Variants in IL16 observed in about 807,000 individuals in gnomAD.
IL16 encodes the protein pro-interleukin-16.
A neutral mutation model predicts 110.1 loss-of-function variants in IL16; 67 were observed. The ratio of observed to expected loss-of-function variants is 0.61; its 90% CI spans 0.50 to 0.75. The LOEUF is 0.75. Ranked by LOEUF, IL16 falls within the 30% of genes least tolerant of loss-of-function variation. IL16 has a pLI of 0.00. For synonymous variants in IL16, 689 were observed against 662.9 expected (o/e 1.04, Z -0.61); for missense variants, 1,545 against 1,655.0 (o/e 0.93, Z 1.15).
At chr15:81,274,593 T>G (rs575076103) in intron 6 of IL16, among the ~76,000 whole-genome samples, 1 of 152,230 alleles carries the variant, frequency 6.6e-6, no homozygotes, top group Non-Finnish European at 1.5e-5. Flanking sequence ...CAGAAGTCAG[T>G]GTAAACATAG....
chr15:81,238,683 T>C (rs1897252035), intron 2 of IL16, among the ~76,000 whole-genome samples: 1 of 152,142 alleles, frequency 6.6e-6, no homozygotes, highest in Non-Finnish European at 1.5e-5. Flanking sequence ...AAAGATGATC[T>C]ATTATGTTTA....
chr15:81,221,368 C>T (rs150475085), intron 1 of IL16, among the ~76,000 whole-genome samples: 104 of 152,232 alleles, frequency 6.8e-4, no homozygotes, highest in African/African-American at 2.3e-3. Context: ...TTTGACAAGT[C>T]GTCATAGAGC....
intron 1 of IL16, among the ~76,000 whole-genome samples, chr15:81,191,823 G>C (rs1895501817): frequency 6.6e-6 from 1 of 152,196 alleles, no homozygotes; most frequent in African/African-American, 2.4e-5. Context: ...TCAAGAAAGA[G>C]CCAGAAGGCC....
chr15:81,304,434 A>G (rs1900448403), intron 16 of IL16, among the ~76,000 whole-genome samples: 1 of 152,206 alleles, frequency 6.6e-6, no homozygotes, highest in South Asian at 2.1e-4. Flanking sequence ...CCCTTGAGAC[A>G]CTGCAGACAA....
At chr15:81,234,024 G>A (rs747836177) in intron 2 of IL16, among the ~76,000 whole-genome samples, 6 of 151,984 alleles carry the variant, frequency 3.9e-5, no homozygotes, top group South Asian at 2.1e-4. Context: ...TTACAATTTC[G>A]AAATATTCTT....
chr15:81,205,992 A>G (rs1733045983), intron 1 of IL16, among the ~76,000 whole-genome samples: 2 of 152,236 alleles, frequency 1.3e-5, no homozygotes, highest in Non-Finnish European at 2.9e-5. Context: ...GTAAACATAA[A>G]GCGTCGAAAT....
At chr15:81,188,398 G>C (rs769511751) in intron 1 of IL16, 20 of 456,224 alleles carry the variant, frequency 4.4e-5, no homozygotes, top group Non-Finnish European at 8.4e-5. Context: ...AGGGAAGGCA[G>C]AGCTGGTACG....
At chr15:81,216,672 GC>G in intron 1 of IL16, among the ~76,000 whole-genome samples, 1 of 152,174 alleles carries the variant, frequency 6.6e-6, no homozygotes. Context: ...AGCAGCAGCA[GC>G]AGGAGGAGGA....
At chr15:81,285,851 CTCT>C (rs1324299137) in intron 10 of IL16, 21 bp downstream of exon 10, 5 of 1,612,692 alleles carry the variant, frequency 3.1e-6, no homozygotes, top group African/African-American at 2.7e-5. Flanking sequence ...CTGGGTTATC[CTCT>C]TCTTCTCAGG....
rs1466176313 is a variant in IL16, at chr15:81,247,693, C to T, written c.313-12079C>T. On this transcript the variant is annotated intron_variant, in intron 2 of 18. Transcript: ENST00000683961. ...ATTTTATCACTTGTAACCTCTACTT[C>T]AGCGAAGATACCAAAGTGCTCCCTC... Among the ~76,000 whole-genome samples the T allele has an allele frequency of 2.0e-5, 3 of 152,174 alleles. No homozygotes were observed. In the East Asian group the frequency reaches 5.8e-4, roughly 29 times the overall value.
rs1256781510 is a variant in IL16, at chr15:81,308,704, A to G, written c.3905A>G (p.Asn1302Ser). The G allele has an allele frequency of 3.7e-6, 6 of 1,613,904 alleles. No homozygotes were observed. The highest frequency in any genetic ancestry group is 2.2e-5 in the East Asian group (1 of 44,900). ...GGCCTCACACGGTTTGAAGCCTGGA[A>G]CATCATCAAGGCACTGCCTGATGGA... ...MQGLTRFEAWNIIKALPDGPV... is the reference protein window; with the variant it reads ...MQGLTRFEAWSIIKALPDGPV... The change falls in exon 19 of 19, where the codon AAC (asparagine) becomes AGC (serine). Residue 1302 changes from asparagine to serine, a missense_variant. By Grantham distance (46) the Asn-to-Ser change is conservative. Transcript: ENST00000683961.
At chr15:81,213,161 G>A (rs530141337) in intron 1 of IL16, among the ~76,000 whole-genome samples, 11 of 152,214 alleles carry the variant, frequency 7.2e-5, no homozygotes, top group African/African-American at 1.9e-4. Context: ...TTATTCAGAA[G>A]CAAGTTGTTT....
chr15:81,279,614 T>C lies in IL16; in HGVS notation c.921T>C (p.Pro307=). Residue 307 remains proline, a synonymous_variant, in exon 8 of 19, where the codon CCT becomes CCC. Transcript: ENST00000683961. Reference sequence around the variant, plus strand: ...TGAGAACCCGCCTGACGGCGCCTCCTTCCCTGTGCAGCCACCTGTCTCCCC... The same window carrying C: ...TGAGAACCCGCCTGACGGCGCCTCCCTCCCTGTGCAGCCACCTGTCTCCCC... ...LTVRTRLTAP[P]SLCSHLSPPL... 6.2e-7 allele frequency: 1 copy of C among 1,614,146 alleles called. No individual in the cohort carries two copies. Among genetic ancestry groups the C allele is most frequent in the Non-Finnish European group, 8.5e-7 (1 of 1,180,008 alleles).
Position 81,303,795 on chromosome 15 carries a change from C to T in IL16, c.3420+145C>T, listed in dbSNP as rs192208472. On this transcript the variant is annotated intron_variant, in intron 16 of 18. Transcript: ENST00000683961. The surrounding 1 kb of genome is among the most constrained non-coding windows in gnomAD (Gnocchi z 4.1). ...CTGGGCAGGTCCTGTCCACTCAGCA[C>T]ATCCCAGAGCCTGGGGCTGCGTGGA... 3.4e-4 allele frequency: 215 copies of T among 637,194 alleles called. 2 individuals carry two copies. The African/African-American group carries it at 3.5e-3, about 10-fold the overall frequency. The allele number at this position is 637,194 out of a possible 1,614,324, so 39.5% of individuals were successfully genotyped here. A position where few individuals can be genotyped will look rare whatever the true frequency, so the allele number is the denominator to read the frequency against.
At chr15:81,305,386 G>A (rs1900497547) in intron 16 of IL16, among the ~76,000 whole-genome samples, 1 of 152,084 alleles carries the variant, frequency 6.6e-6, no homozygotes, top group South Asian at 2.1e-4. Context: ...TTTCTTGGCC[G>A]GGTGTGGTGG....
At position 81,282,580 on chromosome 15, in the gene IL16, G is replaced by T. The variant is rs1009503923; in HGVS notation, c.1082-59G>T. 3.9e-6 allele frequency: 5 copies of T among 1,268,726 alleles called. No individual in the cohort carries two copies. The African/African-American group carries it at 4.4e-5, about 11-fold the overall frequency. The allele number at this position is 1,268,726 out of a possible 1,614,324, so 78.6% of individuals were successfully genotyped here. ...CATGTCTGTGGCACCCAATCGACGAGTAGGCCCCCTGGGAAAGCTCAGTCC... is the reference window on the plus strand; with the variant it reads ...CATGTCTGTGGCACCCAATCGACGATTAGGCCCCCTGGGAAAGCTCAGTCC... On this transcript the variant is annotated intron_variant, in intron 8 of 18. Coordinates refer to ENST00000683961, the MANE Select transcript of IL16 (RefSeq NM_172217.5).
intron 1 of IL16, among the ~76,000 whole-genome samples, chr15:81,205,160 G>T (rs2141968802): frequency 6.6e-6 from 1 of 152,068 alleles, no homozygotes; most frequent in South Asian, 2.1e-4. Context: ...ACAAAAATTA[G>T]CCGGGCATAG....
At chr15:81,207,438 A>C (rs1372178373) in intron 1 of IL16, among the ~76,000 whole-genome samples, 1 of 152,092 alleles carries the variant, frequency 6.6e-6, no homozygotes, top group Admixed American at 6.5e-5. Context: ...ATACATATGC[A>C]GATTTGTTAC....
At chr15:81,227,903 C>T (rs891452909) in intron 2 of IL16, among the ~76,000 whole-genome samples, 1 of 152,114 alleles carries the variant, frequency 6.6e-6, no homozygotes, top group Non-Finnish European at 1.5e-5. Context: ...CTGCAAGTTT[C>T]AGCCTGTGAG....
Sources: gnomAD v4.1 joint callset for allele counts (sites outside exome capture counted in the v4.1 genomes callset) on GRCh38, gnomAD v4.1.1 for gene constraint, Gnocchi (gnomAD v3.1) non-coding constraint, MANE v1.5 for transcripts, NCBI Gene and HGNC (gene_info 2026-07-23, HGNC 2026-07-21) for gene names.